HCN1: variants seen among roughly 807,000 people sequenced by gnomAD.
HCN1 encodes the protein hyperpolarization activated cyclic nucleotide gated potassium channel 1.
Under a neutral mutation model 78.9 loss-of-function variants are expected in HCN1, and 13 were observed. The observed-to-expected ratio is 0.16, with a 90% confidence interval of 0.11 to 0.26. HCN1 has a LOEUF of 0.26. Among genes scored for constraint, HCN1 ranks in the 10% least tolerant of loss-of-function variants. The probability of loss-of-function intolerance (pLI) is 1.00; values close to 1 mark genes in which losing one functional copy is unlikely to be tolerated. For missense variants in HCN1, 810 were observed against 1,154.3 expected, an observed-to-expected ratio of 0.70 and a Z score of 4.32; for synonymous variants, 552 against 455.5, an observed-to-expected ratio of 1.21 and a Z score of -2.70.
rs2111836293 is a variant in HCN1 at position 45,260,804 on chromosome 5, A to G, written c.*1117T>C. ...GATCCAAGTCAGCCTTATAGGAATT[A>G]TAAGATAGGCAATTAATGAATTGTT... On this transcript the variant is annotated 3_prime_UTR_variant, in exon 8 of 8. Coordinates refer to ENST00000303230, the MANE Select transcript of HCN1 (RefSeq NM_021072.4). 1 of 152,724 alleles carries G rather than the reference A, an allele frequency of 6.5e-6. No individual in the cohort carries two copies. The highest frequency in any genetic ancestry group is 2.4e-5 in the African/African-American group (1 of 41,564). 9.5% of individuals were successfully genotyped at this position (152,724 alleles called of 1,614,324 possible).
intron 2 of HCN1, among the ~76,000 whole-genome samples, chr5:45,474,510 T>C (rs915210857): frequency 3.9e-5 from 6 of 151,918 alleles, no homozygotes; most frequent in African/African-American, 1.4e-4. Flanking sequence ...TCACTTATCC[T>C]GCAATTGGAG....
chr5:45,308,017 G>A (rs1305933455), intron 5 of HCN1, among the ~76,000 whole-genome samples: 1 of 152,062 alleles, frequency 6.6e-6, no homozygotes, highest in Non-Finnish European at 1.5e-5. Context: ...CATGGGAGGA[G>A]GTGTTTCAGT....
intron 3 of HCN1, among the ~76,000 whole-genome samples, chr5:45,440,282 C>T (rs1740645148): frequency 6.6e-6 from 1 of 152,030 alleles, no homozygotes; most frequent in African/African-American, 2.4e-5. Flanking sequence ...GTAGAACTCC[C>T]AGGGTAAGAT....
intron 1 of HCN1, among the ~76,000 whole-genome samples, chr5:45,646,528 T>C (rs1338663029): frequency 3.3e-5 from 5 of 151,642 alleles, no homozygotes; most frequent in Non-Finnish European, 7.4e-5. Context: ...CGTGCCACCA[T>C]GCCCAGCTAA....
chr5:45,598,610 T>C (rs938057599), intron 2 of HCN1, among the ~76,000 whole-genome samples: 7 of 152,156 alleles, frequency 4.6e-5, no homozygotes, highest in African/African-American at 1.7e-4. Context: ...CAAAAGAGAT[T>C]ACCATCACAG....
intron 2 of HCN1, among the ~76,000 whole-genome samples, chr5:45,581,378 T>A (rs1373141565): frequency 1.3e-5 from 2 of 152,198 alleles, no homozygotes; most frequent in Non-Finnish European, 2.9e-5. Context: ...TTTGTTTTTT[T>A]CTTGTAAATT....
intron 4 of HCN1, among the ~76,000 whole-genome samples, chr5:45,372,060 T>TTATACA (rs1561127810): frequency 0.022 from 1,264 of 57,928 alleles, 77 homozygotes; most frequent in African/African-American, 0.029. Context: ...TATAATATAA[T>TTATACA]TATATTATAT....
chr5:45,424,239 G>A (rs1045873329), intron 3 of HCN1, among the ~76,000 whole-genome samples: 2 of 152,078 alleles, frequency 1.3e-5, no homozygotes, highest in East Asian at 3.9e-4. Context: ...CTTGCCTTGG[G>A]CAGAGATCGC....
chr5:45,268,741 A>G (rs962417381), intron 6 of HCN1, among the ~76,000 whole-genome samples: 2 of 152,152 alleles, frequency 1.3e-5, no homozygotes, highest in Non-Finnish European at 2.9e-5. Context: ...CCTGCTAAAT[A>G]ATATTGTGGG....
rs1035473112 is a variant in HCN1 at position 45,615,448 on chromosome 5, C to T, written c.849+29737G>A. ...GTTTTATGCCTCAATTGCAGAAAGG[C>T]TTATTGAAAACACACTGAAACTTCA... On this transcript the variant is annotated intron_variant, in intron 2 of 7. Coordinates refer to ENST00000303230, the MANE Select transcript of HCN1 (RefSeq NM_021072.4). Among the ~76,000 whole-genome samples, 7 of 151,930 alleles carry T rather than the reference C, an allele frequency of 4.6e-5. No individual in the cohort carries two copies. In the East Asian group the frequency reaches 9.6e-4, roughly 21 times the overall value.
intron 2 of HCN1, among the ~76,000 whole-genome samples, chr5:45,641,006 G>C (rs953614875): frequency 8.5e-5 from 13 of 152,096 alleles, no homozygotes; most frequent in African/African-American, 3.1e-4. Flanking sequence ...ACAATGGTGA[G>C]ACCAGGGAAC....
chr5:45,284,305 C>T (rs1032885604), intron 6 of HCN1, among the ~76,000 whole-genome samples: 4 of 151,990 alleles, frequency 2.6e-5, no homozygotes, highest in South Asian at 2.1e-4. Context: ...AAAAAATTGG[C>T]GCTCATTGAA....
At chr5:45,288,203 A>T (rs897034868) in intron 6 of HCN1, among the ~76,000 whole-genome samples, 13 of 152,144 alleles carry the variant, frequency 8.5e-5, no homozygotes, top group Admixed American at 8.5e-4. Context: ...CCACGAAAAA[A>T]AGTGGCAGTT....
Position 45,695,968 on chromosome 5 carries a change from C to A in HCN1, c.126G>T (p.Pro42=). The stretch of plus-strand genomic sequence containing the variant: ...TCGCGCCGGCCCCGCCGCCCCCCGG[C>A]GGGGTGCCCAGGCGCTTCTCGGCCG... ...PAAAEKRLGT[P]PGGGGAGAKE... Residue 42 remains proline, a synonymous_variant, in exon 1 of 8, where the codon CCG becomes CCT. Coordinates refer to ENST00000303230, the MANE Select transcript of HCN1 (RefSeq NM_021072.4). The A allele has an allele frequency of 1.5e-6, 2 of 1,324,552 alleles. No homozygotes were observed. The highest frequency in any genetic ancestry group is 3.3e-5 in the East Asian group (1 of 30,172). 82.0% of individuals were successfully genotyped at this position (1,324,552 alleles called of 1,614,324 possible).
At chr5:45,619,552 G>T (rs1745019237) in intron 2 of HCN1, among the ~76,000 whole-genome samples, 1 of 152,024 alleles carries the variant, frequency 6.6e-6, no homozygotes, top group South Asian at 2.1e-4. Context: ...ATGAATGAAT[G>T]AATGAATTAG....
chr5:45,300,962 G>T (rs926829450), intron 6 of HCN1, among the ~76,000 whole-genome samples: 8 of 151,970 alleles, frequency 5.3e-5, no homozygotes, highest in African/African-American at 1.9e-4. Flanking sequence ...CTTCAAAATG[G>T]AACTTCAAAA....
At chr5:45,641,465 A>G (rs1745453853) in intron 2 of HCN1, among the ~76,000 whole-genome samples, 1 of 152,168 alleles carries the variant, frequency 6.6e-6, no homozygotes, top group Non-Finnish European at 1.5e-5. Flanking sequence ...GATCAAAACC[A>G]CAGGCCCTCT....
In HCN1 at chr5:45,695,954, C is replaced by A. The variant is rs544994462; in HGVS notation, c.140G>T (p.Gly47Val). 7,856 of 1,332,860 alleles carry A rather than the reference C, an allele frequency of 5.9e-3. 28 individuals carry two copies. The highest frequency in any genetic ancestry group is 7.0e-3 in the Non-Finnish European group (7,357 of 1,050,358). The allele number at this position is 1,332,860 out of a possible 1,614,324, so 82.6% of individuals were successfully genotyped here. A position where few individuals can be genotyped will look rare whatever the true frequency, so the allele number is the denominator to read the frequency against. Residue 47 changes from glycine to valine, a missense_variant, in exon 1 of 8, where the codon GGG becomes GTG. Physicochemically the swap from Gly to Val is moderately radical, Grantham distance 109. Around this residue, in one of 6 missense-constraint regions of HCN1, gnomAD observed 170 missense variants for 166.8 expected, o/e 1.02. Transcript: ENST00000303230. Reference sequence around the variant, plus strand: ...GTTGCCGTGCTCCTTCGCGCCGGCCCCGCCGCCCCCCGGCGGGGTGCCCAG... The same window carrying A: ...GTTGCCGTGCTCCTTCGCGCCGGCCACGCCGCCCCCCGGCGGGGTGCCCAG... ...KRLGTPPGGG[G>V]AGAKEHGNSV...
intron 5 of HCN1, among the ~76,000 whole-genome samples, chr5:45,311,891 G>T (rs949627067): frequency 5.3e-5 from 8 of 152,124 alleles, no homozygotes; most frequent in Non-Finnish European, 1.0e-4. Flanking sequence ...TTCTAGCTGT[G>T]GGCTAAACAC....
Sources: gnomAD v4.1 joint callset for allele counts (sites outside exome capture counted in the v4.1 genomes callset) on GRCh38, gnomAD v4.1.1 for gene constraint, gnomAD v4.1.1 regional missense constraint, MANE v1.5 for transcripts, NCBI Gene and HGNC (gene_info 2026-07-23, HGNC 2026-07-21) for gene names.